PCCA: variants seen among roughly 807,000 people sequenced by gnomAD.
PCCA encodes propionyl-CoA carboxylase subunit alpha.
PCCA carries 74 observed loss-of-function variants against 101.3 expected under a neutral mutation model. That is an observed-to-expected ratio of 0.73 (90% CI 0.61 to 0.89). The LOEUF is 0.89. Among genes scored for constraint, PCCA ranks in the 40% least tolerant of loss-of-function variants. The pLI, the probability that PCCA is intolerant of heterozygous loss-of-function variation, is 0.00. For synonymous variants in PCCA, 294 were observed against 313.6 expected (o/e 0.94, Z 0.66); for missense variants, 891 against 907.0 (o/e 0.98, Z 0.23).
chr13:100,199,919 A>G (rs980583287), intron 6 of PCCA, among the ~76,000 whole-genome samples: 14 of 152,132 alleles, frequency 9.2e-5, no homozygotes, highest in African/African-American at 3.1e-4. Context: ...AGAAATCACT[A>G]TGAAGTCATA....
In PCCA at chr13:100,229,242, G is replaced by T. The variant is rs181325309; in HGVS notation, c.601-6600G>T. Among the ~76,000 whole-genome samples the T allele has an allele frequency of 9.2e-5, 14 of 152,318 alleles. No homozygotes were observed. The South Asian group carries it at 2.9e-3, about 32-fold the overall frequency. On this transcript the variant is annotated intron_variant, in intron 7 of 23. Coordinates refer to ENST00000376285, the MANE Select transcript of PCCA (RefSeq NM_000282.4). ...TCCCAAAAATATTGGGCTTGGTTTT[G>T]CCCAATGCCAACAGTATTTCACTGA...
intron 21 of PCCA, among the ~76,000 whole-genome samples, chr13:100,486,360 T>G (rs1185945179): frequency 6.6e-6 from 1 of 152,234 alleles, no homozygotes; most frequent in Non-Finnish European, 1.5e-5. Flanking sequence ...ACTGGATAAG[T>G]TTCCGAAGAT....
At chr13:100,303,665 T>C (rs1440049027) in intron 14 of PCCA, among the ~76,000 whole-genome samples, 1 of 152,146 alleles carries the variant, frequency 6.6e-6, no homozygotes, top group East Asian at 1.9e-4. Flanking sequence ...ATGACAAGGC[T>C]GTACCATCTG....
chr13:100,299,903 A>G (rs1035311705), intron 12 of PCCA, among the ~76,000 whole-genome samples: 23 of 152,156 alleles, frequency 1.5e-4, no homozygotes, highest in Admixed American at 2.6e-4. Context: ...TAGTAGAGAC[A>G]GGGTTTCATC....
rs563259697 is a variant in PCCA at position 100,235,750 on chromosome 13, G to A, written c.601-92G>A. 599 of 818,434 alleles carry A rather than the reference G, an allele frequency of 7.3e-4. 3 individuals carry two copies. The highest frequency in any genetic ancestry group is 1.1e-3 in the Non-Finnish European group (518 of 457,670). The allele number at this position is 818,434 out of a possible 1,614,324, so 50.7% of individuals were successfully genotyped here. A position where few individuals can be genotyped will look rare whatever the true frequency, so the allele number is the denominator to read the frequency against. ...AGTAAAATTGAACATTAAATGAATCGGAGGAGACAGTAGTGCAATATATGA... is the reference window on the plus strand; with the variant it reads ...AGTAAAATTGAACATTAAATGAATCAGAGGAGACAGTAGTGCAATATATGA... On this transcript the variant is annotated intron_variant, in intron 7 of 23. Coordinates refer to ENST00000376285, the MANE Select transcript of PCCA (RefSeq NM_000282.4).
chr13:100,210,109 C>A (rs1367345828), intron 7 of PCCA, among the ~76,000 whole-genome samples: 2 of 151,998 alleles, frequency 1.3e-5, no homozygotes, highest in African/African-American at 4.8e-5. Context: ...TCCCAAGTAG[C>A]TAGGACTGCA....
intron 1 of PCCA, among the ~76,000 whole-genome samples, chr13:100,093,035 C>T: frequency 6.6e-6 from 1 of 152,158 alleles, no homozygotes; most frequent in East Asian, 1.9e-4. Flanking sequence ...AAAGATGTGA[C>T]ATTTTTGATG....
intron 4 of PCCA, among the ~76,000 whole-genome samples, chr13:100,153,539 AG>A (rs1235073026): frequency 6.6e-6 from 1 of 152,174 alleles, no homozygotes; most frequent in African/African-American, 2.4e-5. Context: ...TCTTTCTTAC[AG>A]AAGAAAACTA....
At chr13:100,163,434 C>T (rs1344772602) in intron 6 of PCCA, among the ~76,000 whole-genome samples, 1 of 152,116 alleles carries the variant, frequency 6.6e-6, no homozygotes, top group East Asian at 1.9e-4. Flanking sequence ...ATATGTATTT[C>T]TCCATCTGTG....
At chr13:100,344,401 C>A (rs149924144) in intron 18 of PCCA, among the ~76,000 whole-genome samples, 128 of 152,214 alleles carry the variant, frequency 8.4e-4, no homozygotes, top group African/African-American at 3.1e-3. Flanking sequence ...AATTGTAGCT[C>A]CTAAAGACTT....
Position 100,257,602 on chromosome 13 carries a change from T to G in PCCA, c.645T>G (p.Pro215=), listed in dbSNP as rs751840442. 115 of 1,612,806 alleles carry G rather than the reference T, an allele frequency of 7.1e-5. No homozygotes were observed. The highest frequency in any genetic ancestry group is 8.9e-5 in the Non-Finnish European group (105 of 1,179,216). The change falls in exon 9 of 24, where the codon CCT becomes CCG. Residue 215 remains proline (P), a synonymous_variant. Coordinates refer to ENST00000376285, the MANE Select transcript of PCCA (RefSeq NM_000282.4). ...ATTCTTCCCTGCTGTTAGGCTACCC[T>G]GTCATGATCAAGGCCTCAGCAGGTG... ...AVRIAREIGY[P]VMIKASAGGG...
chr13:100,368,614 T>C (rs1179952415), intron 19 of PCCA, 40 bp downstream of exon 19: 3 of 1,218,820 alleles, frequency 2.5e-6, no homozygotes, highest in Admixed American at 3.4e-5. Context: ...ATCTTGATGT[T>C]ATCTATGAAT....
At chr13:100,370,787 C>T (rs1289541165) in intron 19 of PCCA, among the ~76,000 whole-genome samples, 1 of 152,088 alleles carries the variant, frequency 6.6e-6, no homozygotes, top group East Asian at 1.9e-4. Context: ...TAGTATGGCA[C>T]TATTGTCTGC....
intron 18 of PCCA, among the ~76,000 whole-genome samples, chr13:100,367,952 C>T (rs1007819396): frequency 1.1e-4 from 16 of 151,212 alleles, no homozygotes; most frequent in Admixed American, 5.3e-4. Flanking sequence ...TGCAAGATTC[C>T]GTCTCAAAAA....
chr13:100,174,649 A>G (rs928537792), intron 6 of PCCA, among the ~76,000 whole-genome samples: 5 of 149,856 alleles, frequency 3.3e-5, no homozygotes, highest in African/African-American at 1.2e-4. Context: ...AATTGCTTGG[A>G]CCTGGAAGGT....
intron 8 of PCCA, among the ~76,000 whole-genome samples, chr13:100,240,788 A>G (rs2061077258): frequency 6.6e-6 from 1 of 152,282 alleles, no homozygotes; most frequent in East Asian, 1.9e-4. Context: ...AAATTGCACA[A>G]CCAGTATATG....
chr13:100,368,341 A>C, intron 18 of PCCA, 131 bp from the exon 19 acceptor site: 1 of 623,648 alleles, frequency 1.6e-6, no homozygotes, highest in Non-Finnish European at 2.9e-6. Flanking sequence ...TTCTTAGAGT[A>C]GGTGTTTAAA....
chr13:100,221,324 G>C (rs1292046203), intron 7 of PCCA, among the ~76,000 whole-genome samples: 1 of 152,208 alleles, frequency 6.6e-6, no homozygotes, highest in African/African-American at 2.4e-5. Flanking sequence ...GGAGACCCCT[G>C]AGGGGGTCGC....
At chr13:100,443,484 A>T (rs902743717) in intron 20 of PCCA, among the ~76,000 whole-genome samples, 1 of 151,888 alleles carries the variant, frequency 6.6e-6, no homozygotes, top group African/African-American at 2.4e-5. Flanking sequence ...TTCATGACCC[A>T]TGAGAAGTAT....
Sources: allele counts gnomAD v4.1 joint callset (sites outside exome capture counted in the v4.1 genomes callset), GRCh38; gene constraint gnomAD v4.1.1; transcripts MANE v1.5; gene names NCBI Gene and HGNC (gene_info 2026-07-23, HGNC 2026-07-21).